The following TTC28 variants were observed in gnomAD, a reference collection of about 807,000 sequenced individuals.
TTC28 encodes the protein tetratricopeptide repeat domain 28.
A neutral mutation model predicts 198.0 loss-of-function variants in TTC28; 61 were observed. The ratio of observed to expected loss-of-function variants is 0.31; its 90% CI spans 0.25 to 0.38. TTC28 has a LOEUF of 0.38. Among genes scored for constraint, TTC28 ranks in the 10% least tolerant of loss-of-function variants. The pLI, the probability that TTC28 is intolerant of heterozygous loss-of-function variation, is 1.00. For missense variants in TTC28, 2,678 were observed against 3,164.0 expected (o/e 0.85, Z 3.69); for synonymous variants, 1,171 against 1,297.8 (o/e 0.90, Z 2.10).
intron 6 of TTC28, among the ~76,000 whole-genome samples, chr22:28,162,012 C>T (rs952122288): frequency 6.6e-6 from 1 of 152,106 alleles, no homozygotes; most frequent in South Asian, 2.1e-4. Flanking sequence ...TGTCCTCTCC[C>T]CGTCCTGAAT....
At chr22:28,616,643 A>G (rs1381090046) in intron 2 of TTC28, among the ~76,000 whole-genome samples, 3 of 152,146 alleles carry the variant, frequency 2.0e-5, no homozygotes, top group Non-Finnish European at 2.9e-5. Context: ...CTTAAGCTCA[A>G]GAGTTTGAGA....
At chr22:27,994,929 G>A (rs1312741129) in intron 17 of TTC28, among the ~76,000 whole-genome samples, 5 of 152,284 alleles carry the variant, frequency 3.3e-5, no homozygotes, top group South Asian at 2.1e-4. Flanking sequence ...CAGGGTAACA[G>A]TGGAGAGGGC....
intron 12 of TTC28, among the ~76,000 whole-genome samples, chr22:28,050,755 T>G (rs911037912): frequency 6.6e-6 from 1 of 152,170 alleles, no homozygotes; most frequent in African/African-American, 2.4e-5. Context: ...GAGAATATTA[T>G]AGCAAAACTC....
intron 2 of TTC28, among the ~76,000 whole-genome samples, chr22:28,587,965 C>A (rs1040608597): frequency 1.3e-5 from 2 of 151,514 alleles, no homozygotes; most frequent in African/African-American, 4.8e-5. Flanking sequence ...CATGGTGAAA[C>A]CCCGTCTCTA....
chr22:28,383,340 G>A (rs552670180), intron 2 of TTC28, among the ~76,000 whole-genome samples: 4 of 152,156 alleles, frequency 2.6e-5, no homozygotes, highest in Admixed American at 6.5e-5. Flanking sequence ...TCCTTTGTCC[G>A]CAGCAGCAAT....
At chr22:28,412,379 G>T (rs969271435) in intron 2 of TTC28, among the ~76,000 whole-genome samples, 1 of 152,172 alleles carries the variant, frequency 6.6e-6, no homozygotes, top group Non-Finnish European at 1.5e-5. Flanking sequence ...GAGGGCAGAA[G>T]TGGGAGAAGA....
chr22:28,312,525 T>C (rs1404576682), intron 2 of TTC28, among the ~76,000 whole-genome samples: 4 of 152,190 alleles, frequency 2.6e-5, no homozygotes, highest in Non-Finnish European at 4.4e-5. Context: ...CAGACCACAG[T>C]GCAATCAAAT....
chr22:28,471,427 G>A (rs2048095289), intron 2 of TTC28, among the ~76,000 whole-genome samples: 1 of 152,136 alleles, frequency 6.6e-6, no homozygotes, highest in Non-Finnish European at 1.5e-5. Context: ...TCCTAGAACA[G>A]TCTCTGTGAC....
intron 5 of TTC28, among the ~76,000 whole-genome samples, chr22:28,220,497 T>C (rs1927770950): frequency 6.6e-6 from 1 of 152,176 alleles, no homozygotes; most frequent in African/African-American, 2.4e-5. Context: ...TTCCTTGCAA[T>C]TGTAGAACTG....
At chr22:28,038,609 C>G (rs889501605) in intron 12 of TTC28, among the ~76,000 whole-genome samples, 157 of 152,162 alleles carry the variant, frequency 1.0e-3, no homozygotes, top group African/African-American at 3.5e-3. Context: ...ATAGGCATGG[C>G]CAAGGACTTC....
chr22:28,256,125 A>C (rs1315312347), intron 5 of TTC28, among the ~76,000 whole-genome samples: 6 of 152,074 alleles, frequency 3.9e-5, no homozygotes, highest in African/African-American at 1.4e-4. Context: ...CTTTTAAAAA[A>C]AAAAAAATAG....
intron 12 of TTC28, among the ~76,000 whole-genome samples, chr22:28,032,239 TATATATATAAA>T (rs1174148450): frequency 2.5e-5 from 3 of 120,292 alleles, no homozygotes; most frequent in East Asian, 2.5e-4. Flanking sequence ...ATATAAAATA[TATATATATAAA>T]ATATATATAT....
At position 28,165,514 on chromosome 22, in the gene TTC28, G is replaced by A. The variant is rs1246471514; in HGVS notation, c.934-1915C>T. ...ACTCTACAAGCCAGAAGAGAGTAGG[G>A]GCCAATATTCAACATTCTTAAAGAA... On this transcript the variant is annotated intron_variant, in intron 5 of 22. Coordinates refer to ENST00000397906, the MANE Select transcript of TTC28 (RefSeq NM_001145418.2). 2.0e-5 allele frequency among the ~76,000 whole-genome samples: 3 copies of A among 151,742 alleles called. 1 individual carries two copies. The highest frequency in any genetic ancestry group is 4.2e-4 in the South Asian group (2 of 4,776).
intron 3 of TTC28, among the ~76,000 whole-genome samples, chr22:28,304,292 A>C (rs2045091273): frequency 6.6e-6 from 1 of 152,120 alleles, no homozygotes; most frequent in Admixed American, 6.5e-5. Flanking sequence ...CTCAAAAAAA[A>C]AAAAAAGTAG....
chr22:28,149,379 TAA>T (rs1159991648), intron 6 of TTC28, among the ~76,000 whole-genome samples: 6 of 152,024 alleles, frequency 3.9e-5, no homozygotes, highest in Admixed American at 3.9e-4. Flanking sequence ...GATGAGTGGA[TAA>T]AAAAATGTGG....
intron 1 of TTC28, among the ~76,000 whole-genome samples, chr22:28,679,070 T>G (rs2052047833): frequency 6.6e-6 from 1 of 152,160 alleles, no homozygotes; most frequent in South Asian, 2.1e-4. Flanking sequence ...TCCTTCCCCC[T>G]GACTAGTGGC....
chr22:28,550,361 T>C (rs2049642215), intron 2 of TTC28, among the ~76,000 whole-genome samples: 1 of 152,178 alleles, frequency 6.6e-6, no homozygotes, highest in East Asian at 1.9e-4. Context: ...GGTTTCATTA[T>C]CCTCATTCAA....
chr22:28,434,870 C>T (rs531537310), intron 2 of TTC28, among the ~76,000 whole-genome samples: 20 of 152,254 alleles, frequency 1.3e-4, no homozygotes, highest in Middle Eastern at 3.4e-3. Context: ...TCAGCTGCTC[C>T]GTAACTCGGG....
chr22:28,531,188 G>C (rs958262694), intron 2 of TTC28, among the ~76,000 whole-genome samples: 1 of 152,102 alleles, frequency 6.6e-6, no homozygotes, highest in Non-Finnish European at 1.5e-5. Flanking sequence ...GACACACATA[G>C]GCTCAAAATA....
Sources: allele counts gnomAD v4.1 joint callset (sites outside exome capture counted in the v4.1 genomes callset), GRCh38; gene constraint gnomAD v4.1.1; transcripts MANE v1.5; gene names NCBI Gene and HGNC (gene_info 2026-07-23, HGNC 2026-07-21).